The following CTNNAL1 variants were observed in gnomAD, a reference collection of about 807,000 sequenced individuals.
CTNNAL1 encodes alpha-catulin.
CTNNAL1 carries 69 observed loss-of-function variants against 93.6 expected under a neutral mutation model. The observed-to-expected ratio is 0.74, with a 90% CI of 0.61 to 0.90. The LOEUF is 0.90. Ranked by LOEUF, CTNNAL1 falls within the 40% of genes least tolerant of loss-of-function variation. CTNNAL1 has a pLI of 0.00. For missense variants in CTNNAL1, 836 were observed against 862.0 expected, an observed-to-expected ratio of 0.97 and a Z score of 0.38; for synonymous variants, 286 against 305.4, an observed-to-expected ratio of 0.94 and a Z score of 0.66.
intron 1 of CTNNAL1, among the ~76,000 whole-genome samples, chr9:109,007,325 C>T (rs1052453874): frequency 1.3e-4 from 20 of 152,218 alleles, no homozygotes; most frequent in Admixed American, 7.2e-4. Flanking sequence ...CTCTCTTCAT[C>T]GACAACATAA....
chr9:108,948,967 T>A (rs533156789), intron 14 of CTNNAL1, among the ~76,000 whole-genome samples: 3 of 152,160 alleles, frequency 2.0e-5, no homozygotes, highest in Admixed American at 6.5e-5. Flanking sequence ...AATGAAATGA[T>A]GAAGCAAAAA....
At position 108,952,237 on chromosome 9, in the gene CTNNAL1, T is replaced by C. The variant is rs993269320; in HGVS notation, c.1807A>G (p.Met603Val). The C allele has an allele frequency of 1.9e-6, 3 of 1,613,098 alleles. No homozygotes were observed. Among genetic ancestry groups the C allele is most frequent in the African/African-American group, 2.7e-5 (2 of 74,928 alleles). Reference sequence around the variant, plus strand: ...GTAAATAAATACAGAGAATAGGCCATACTGGACATGTTCCGTCCATATTGA... The same window carrying C: ...GTAAATAAATACAGAGAATAGGCCACACTGGACATGTTCCGTCCATATTGA... ...IVQYGRNMSSMAYSLYLFTRG... is the reference protein window; with the variant it reads ...IVQYGRNMSSVAYSLYLFTRG... Residue 603 changes from methionine to valine, a missense_variant, in exon 14 of 19, where the codon ATG becomes GTG. Met to Val is a conservative substitution (Grantham distance 21, BLOSUM62 1). Transcript: ENST00000325551.
At chr9:108,982,586 A>G (rs1272738033) in intron 6 of CTNNAL1, among the ~76,000 whole-genome samples, 2 of 152,214 alleles carry the variant, frequency 1.3e-5, no homozygotes, top group Admixed American at 1.3e-4. Flanking sequence ...GCTAAACCAT[A>G]CAGCTAAACA....
intron 5 of CTNNAL1, 40 bp from the exon 6 acceptor site, chr9:108,983,355 T>A: frequency 1.4e-6 from 2 of 1,394,144 alleles, no homozygotes; most frequent in Non-Finnish European, 1.9e-6. Context: ...ATATTTGATT[T>A]ATGTCATAAT....
intron 4 of CTNNAL1, among the ~76,000 whole-genome samples, chr9:108,987,641 T>A (rs1205252828): frequency 6.6e-6 from 1 of 152,190 alleles, no homozygotes; most frequent in African/African-American, 2.4e-5. Flanking sequence ...TTTCAAGATA[T>A]TGATTCTTCC....
chr9:108,991,654 A>G (rs1422331792), intron 3 of CTNNAL1, among the ~76,000 whole-genome samples: 1 of 152,196 alleles, frequency 6.6e-6, no homozygotes, highest in African/African-American at 2.4e-5. Flanking sequence ...AACACTGATA[A>G]GGCACGTTGC....
At chr9:108,950,720 A>C in intron 14 of CTNNAL1, 1 of 1,279,600 alleles carries the variant, frequency 7.8e-7, no homozygotes, top group Non-Finnish European at 1.1e-6. Flanking sequence ...GACTTTGCAA[A>C]AATAAATTGA....
intron 12 of CTNNAL1, among the ~76,000 whole-genome samples, chr9:108,955,135 TTTG>T (rs1214180239): frequency 2.6e-5 from 4 of 152,098 alleles, no homozygotes; most frequent in Non-Finnish European, 4.4e-5. Context: ...GCTAATTTTT[TTTG>T]TTGTTGTTGT....
At chr9:108,974,496 G>A (rs1474334768) in intron 8 of CTNNAL1, among the ~76,000 whole-genome samples, 1 of 152,146 alleles carries the variant, frequency 6.6e-6, no homozygotes, top group African/African-American at 2.4e-5. Flanking sequence ...CAAGTAAGAT[G>A]TGAAACAGAT....
chr9:108,952,164 A>T, intron 14 of CTNNAL1, 45 bp downstream of exon 14: 1 of 1,500,926 alleles, frequency 6.7e-7, no homozygotes, highest in Non-Finnish European at 9.0e-7. Flanking sequence ...TTTACACCAG[A>T]TATCATTATA....
At chr9:108,992,482 G>T in intron 3 of CTNNAL1, 150 bp downstream of exon 3, 1 of 994,480 alleles carries the variant, frequency 1.0e-6, no homozygotes, top group Non-Finnish European at 1.4e-6. Context: ...TGATCAGTGT[G>T]TCAATGTATC....
At chr9:108,992,846 T>A (rs1218559757) in intron 2 of CTNNAL1, 27 bp from the exon 3 acceptor site, 3 of 1,588,076 alleles carry the variant, frequency 1.9e-6, no homozygotes, top group Admixed American at 3.6e-5. Flanking sequence ...GGGGAGAAAG[T>A]TAAACAGGCA....
In CTNNAL1 at chr9:108,970,416, C is replaced by A. The variant is rs371930156; in HGVS notation, c.1426G>T (p.Val476Leu). 6.2e-7 allele frequency: 1 copy of A among 1,612,028 alleles called. No homozygotes were observed. The highest frequency in any genetic ancestry group is 8.5e-7 in the Non-Finnish European group (1 of 1,179,188). ...TCIHAEETFQ[V>L]TGQQIISAAE... Reference sequence around the variant, plus strand: ...TATTATCATACCTGTTGGCCAGTCACCTGAAATGTCTCCTCTGCATGTATA... The same window carrying A: ...TATTATCATACCTGTTGGCCAGTCAACTGAAATGTCTCCTCTGCATGTATA... The change falls in exon 10 of 19, where the codon GTG (valine) becomes TTG (leucine). Residue 476 changes from valine to leucine, a missense_variant. By Grantham distance (32) the Val-to-Leu change is conservative. Transcript: ENST00000325551.
intron 4 of CTNNAL1, among the ~76,000 whole-genome samples, chr9:108,990,064 T>C (rs919888439): frequency 1.3e-5 from 2 of 151,760 alleles, no homozygotes; most frequent in East Asian, 1.9e-4. Context: ...AAAAATAAAA[T>C]AAAATAAAAT....
At chr9:109,007,367 C>A (rs1827063995) in intron 1 of CTNNAL1, among the ~76,000 whole-genome samples, 1 of 152,114 alleles carries the variant, frequency 6.6e-6, no homozygotes, top group Admixed American at 6.5e-5. Context: ...GCTTCCAGAA[C>A]AATGCAGAGA....
At chr9:108,972,864 G>GGGGGGGGGGGGGGGCCCCCCCCCCCC in intron 8 of CTNNAL1, 31 bp from the exon 9 acceptor site, 3 of 142,566 alleles carry the variant, frequency 2.1e-5, no homozygotes, top group Admixed American at 2.0e-4. Flanking sequence ...GGGGGGGTGG[G>GGGGGGGGGGGGGGGCCCCCCCCCCCC]AGGGTGGAGA....
intron 2 of CTNNAL1, among the ~76,000 whole-genome samples, chr9:108,994,335 G>A (rs1287240015): frequency 1.3e-5 from 2 of 152,104 alleles, no homozygotes; most frequent in African/African-American, 4.8e-5. Context: ...GAAATAGTAG[G>A]GACCTTACTA....
intron 11 of CTNNAL1, among the ~76,000 whole-genome samples, chr9:108,957,891 G>A (rs1830722311): frequency 6.6e-6 from 1 of 152,040 alleles, no homozygotes; most frequent in East Asian, 1.9e-4. Flanking sequence ...GCTAAGGCAA[G>A]TGGATCACCC....
chr9:109,001,160 A>G (rs1826810055), intron 1 of CTNNAL1, among the ~76,000 whole-genome samples: 1 of 140,198 alleles, frequency 7.1e-6, no homozygotes, highest in Non-Finnish European at 1.5e-5. Context: ...TGACAGTATG[A>G]GACTCCATCT....
Sources: gnomAD v4.1 joint callset for allele counts (sites outside exome capture counted in the v4.1 genomes callset) on GRCh38, gnomAD v4.1.1 for gene constraint, MANE v1.5 for transcripts, NCBI Gene and HGNC (gene_info 2026-07-23, HGNC 2026-07-21) for gene names.